The following ADGRL3 variants were observed in gnomAD, a reference collection of about 807,000 sequenced individuals.
ADGRL3 encodes the protein adhesion G protein-coupled receptor L3, also known as calcium-independent alpha-latrotoxin receptor 3.
ADGRL3 carries 62 observed loss-of-function variants against 153.5 expected under a neutral mutation model. That is an observed-to-expected ratio of 0.40 (90% CI 0.33 to 0.50). The LOEUF (loss-of-function observed/expected upper bound fraction) is 0.50, where lower values mean the gene tolerates loss of function less well. Ranked by LOEUF, ADGRL3 falls within the 20% of genes least tolerant of loss-of-function variation. The probability of loss-of-function intolerance (pLI) is 0.47; values close to 1 mark genes in which losing one functional copy is unlikely to be tolerated. For synonymous variants in ADGRL3, 710 were observed against 672.5 expected (o/e 1.06, Z -0.86); for missense variants, 1,641 against 1,859.4 (o/e 0.88, Z 2.16).
chr4:61,270,693 C>G (rs192522509), intron 1 of ADGRL3, among the ~76,000 whole-genome samples: 20 of 151,656 alleles, frequency 1.3e-4, no homozygotes, highest in Admixed American at 2.6e-4. Flanking sequence ...TAAGAATGAC[C>G]AAGAAATGGA....
At chr4:61,410,962 G>T (rs1313552965) in intron 2 of ADGRL3, among the ~76,000 whole-genome samples, 1 of 152,134 alleles carries the variant, frequency 6.6e-6, no homozygotes, top group African/African-American at 2.4e-5. Context: ...TTGAACCAAG[G>T]CCCTTGGTGT....
At chr4:61,780,537 A>C (rs1404581205) in intron 8 of ADGRL3, among the ~76,000 whole-genome samples, 1 of 152,192 alleles carries the variant, frequency 6.6e-6, no homozygotes, top group Non-Finnish European at 1.5e-5. Flanking sequence ...GGCAAAGGTT[A>C]TGTTTCATAC....
chr4:61,600,487 G>A (rs986183068), intron 5 of ADGRL3, among the ~76,000 whole-genome samples: 1 of 152,042 alleles, frequency 6.6e-6, no homozygotes, highest in Non-Finnish European at 1.5e-5. Context: ...TAAATTCAGA[G>A]CATGTGGTTT....
At chr4:61,383,360 C>T (rs943961182) in intron 2 of ADGRL3, among the ~76,000 whole-genome samples, 171 bp downstream of exon 2, 3 of 151,480 alleles carry the variant, frequency 2.0e-5, no homozygotes, top group Admixed American at 2.0e-4. Context: ...ATTGCCATTT[C>T]TTGTTATACA....
At chr4:61,409,216 C>A (rs929473684) in intron 2 of ADGRL3, among the ~76,000 whole-genome samples, 4 of 142,328 alleles carry the variant, frequency 2.8e-5, no homozygotes, top group African/African-American at 1.0e-4. Context: ...ATTAGACATA[C>A]ATAATATATA....
intron 1 of ADGRL3, among the ~76,000 whole-genome samples, chr4:61,318,588 T>C (rs1238488879): frequency 1.3e-5 from 2 of 152,194 alleles, no homozygotes; most frequent in Non-Finnish European, 2.9e-5. Context: ...CGCTGTCTGC[T>C]GAAGTCTTAT....
At chr4:61,443,447 G>T (rs2097548128) in intron 2 of ADGRL3, among the ~76,000 whole-genome samples, 1 of 151,928 alleles carries the variant, frequency 6.6e-6, no homozygotes. Context: ...TAAATAATGA[G>T]TAATATCATT....
chr4:62,016,135 G>A (rs942242286), intron 21 of ADGRL3, among the ~76,000 whole-genome samples: 8 of 151,414 alleles, frequency 5.3e-5, no homozygotes, highest in Admixed American at 1.3e-4. Context: ...TGAAACCTCC[G>A]CCTCTCAGGT....
chr4:61,487,874 T>C (rs1463268316), intron 2 of ADGRL3, among the ~76,000 whole-genome samples: 1 of 152,002 alleles, frequency 6.6e-6, no homozygotes, highest in East Asian at 1.9e-4. Flanking sequence ...CAAGCAAGTG[T>C]TTTCCAAATT....
chr4:61,247,757 GTTA>G (rs747325257), intron 1 of ADGRL3, among the ~76,000 whole-genome samples: 2 of 151,874 alleles, frequency 1.3e-5, no homozygotes, highest in South Asian at 2.1e-4. Flanking sequence ...ATGAGAAATT[GTTA>G]TTTTCCTTTC....
chr4:61,443,677 C>T (rs1246124206), intron 2 of ADGRL3, among the ~76,000 whole-genome samples: 1 of 151,882 alleles, frequency 6.6e-6, no homozygotes, highest in Non-Finnish European at 1.5e-5. Context: ...CAATCTATAA[C>T]ATTTTGGCTC....
At chr4:61,933,136 C>T (rs2098824588) in intron 13 of ADGRL3, among the ~76,000 whole-genome samples, 1 of 152,102 alleles carries the variant, frequency 6.6e-6, no homozygotes, top group East Asian at 1.9e-4. Context: ...AAGGAACAGA[C>T]ATAATTTCTG....
intron 1 of ADGRL3, among the ~76,000 whole-genome samples, chr4:61,248,411 G>A (rs988004627): frequency 1.3e-5 from 2 of 152,030 alleles, no homozygotes; most frequent in Non-Finnish European, 2.9e-5. Context: ...CACTGCCTCA[G>A]TCAATTTATT....
chr4:61,810,091 G>A (rs1265673902), intron 8 of ADGRL3, among the ~76,000 whole-genome samples: 2 of 152,046 alleles, frequency 1.3e-5, no homozygotes, highest in Non-Finnish European at 2.9e-5. Context: ...AAACTAAACT[G>A]CCTCTAGTTT....
At chr4:61,885,304 G>A (rs993784352) in intron 9 of ADGRL3, among the ~76,000 whole-genome samples, 1 of 151,658 alleles carries the variant, frequency 6.6e-6, no homozygotes, top group African/African-American at 2.4e-5. Flanking sequence ...TTCCAGCCTG[G>A]GCAACAAGAG....
At chr4:61,310,958 G>T (rs1286970199) in intron 1 of ADGRL3, among the ~76,000 whole-genome samples, 2 of 151,598 alleles carry the variant, frequency 1.3e-5, no homozygotes, top group East Asian at 3.9e-4. Flanking sequence ...AATATCTTAG[G>T]TGCCTTATAT....
At chr4:61,891,173 A>T (rs1212808027) in intron 9 of ADGRL3, among the ~76,000 whole-genome samples, 1 of 151,358 alleles carries the variant, frequency 6.6e-6, no homozygotes, top group African/African-American at 2.4e-5. Context: ...AATGTTGATG[A>T]TGGGGAGCTG....
intron 1 of ADGRL3, among the ~76,000 whole-genome samples, chr4:61,350,708 G>A (rs908500040): frequency 8.6e-5 from 13 of 151,976 alleles, no homozygotes; most frequent in African/African-American, 3.1e-4. Flanking sequence ...TATCTTTGAT[G>A]TTACTACTGT....
intron 4 of ADGRL3, among the ~76,000 whole-genome samples, chr4:61,552,698 G>T (rs10019501): frequency 0.2 from 30,325 of 151,944 alleles, 3,381 homozygotes; most frequent in Non-Finnish European, 0.25. Context: ...TGAACTCCTG[G>T]GCTCAAGTGA....
Sources: allele counts gnomAD v4.1 joint callset (sites outside exome capture counted in the v4.1 genomes callset), GRCh38; gene constraint gnomAD v4.1.1; transcripts MANE v1.5; gene names NCBI Gene and HGNC (gene_info 2026-07-23, HGNC 2026-07-21).